The following RREB1 variants were observed in gnomAD, a reference collection of about 807,000 sequenced individuals.
RREB1 encodes ras-responsive element-binding protein 1.
RREB1 carries 27 observed loss-of-function variants against 117.8 expected under a neutral mutation model. The observed-to-expected ratio is 0.23, with a 90% confidence interval of 0.17 to 0.32. RREB1 has a LOEUF of 0.32. RREB1 is among the 10% of genes least tolerant of loss of function. The probability of loss-of-function intolerance (pLI) is 1.00; values close to 1 mark genes in which losing one functional copy is unlikely to be tolerated. For synonymous variants in RREB1, 1,298 were observed against 1,026.7 expected, an observed-to-expected ratio of 1.26 and a Z score of -5.05; for missense variants, 2,577 against 2,378.2, an observed-to-expected ratio of 1.08 and a Z score of -1.74.
chr6:7,176,037 C>G (rs1049592391), intron 1 of RREB1, among the ~76,000 whole-genome samples: 1 of 152,202 alleles, frequency 6.6e-6, no homozygotes, highest in Non-Finnish European at 1.5e-5. Context: ...CCCACCTCAG[C>G]TCCAGAGTAG....
At chr6:7,123,805 G>A (rs1024874582) in intron 1 of RREB1, among the ~76,000 whole-genome samples, 1 of 151,970 alleles carries the variant, frequency 6.6e-6, no homozygotes, top group African/African-American at 2.4e-5. Flanking sequence ...TAGCGATGGG[G>A]TTTCACTGTG....
At chr6:7,157,018 G>A (rs1237851934) in intron 1 of RREB1, among the ~76,000 whole-genome samples, 2 of 152,186 alleles carry the variant, frequency 1.3e-5, no homozygotes, top group Non-Finnish European at 2.9e-5. Context: ...CTGCCGCTGG[G>A]CTGCCTTGCC....
At chr6:7,187,569 T>A (rs1439776170) in intron 5 of RREB1, 46 bp downstream of exon 5, 2 of 882,650 alleles carry the variant, frequency 2.3e-6, no homozygotes, top group Non-Finnish European at 3.0e-6. Context: ...TATTTTATTT[T>A]ATTTTATTTT....
intron 1 of RREB1, among the ~76,000 whole-genome samples, chr6:7,143,700 G>A (rs572953605): frequency 4.6e-4 from 70 of 152,104 alleles, no homozygotes; most frequent in Admixed American, 1.4e-3. Context: ...CTCATCATTC[G>A]GGTGCAGACT....
chr6:7,131,481 CTG>C (rs1561734213), intron 1 of RREB1, among the ~76,000 whole-genome samples: 1 of 152,162 alleles, frequency 6.6e-6, no homozygotes, highest in Admixed American at 6.5e-5. Context: ...TAAAAGTTCA[CTG>C]TTATTTCTGT....
intron 8 of RREB1, chr6:7,215,369 T>G (rs1423548959): frequency 6.6e-6 from 1 of 152,242 alleles, no homozygotes; most frequent in Non-Finnish European, 1.5e-5. Context: ...GAGGATCTCG[T>G]TCTGTCACCC....
chr6:7,229,457 G>A lies in RREB1; in HGVS notation c.1358G>A (p.Ser453Asn). ...GGCTTCATCATCCAGCCTGACAGCA[G>A]CATTGTGGTCAAGCCCATCTCTGGC... is the stretch of plus-strand genomic sequence containing the variant. ...QKGFIIQPDS[S>N]IVVKPISGES... Residue 453 changes from serine (S) to asparagine (N), a missense_variant, in exon 10 of 13, where the codon AGC (serine) becomes AAC (asparagine). Transcript: ENST00000379938. This position sits in a 1 kb window ranked among gnomAD's most constrained non-coding sequence, Gnocchi z 4.5. 6.2e-7 allele frequency: 1 copy of A among 1,614,192 alleles called. No homozygotes were observed. The highest frequency in any genetic ancestry group is 8.5e-7 in the Non-Finnish European group (1 of 1,180,028).
chr6:7,113,291 A>G (rs1342997625), intron 1 of RREB1, among the ~76,000 whole-genome samples: 3 of 152,186 alleles, frequency 2.0e-5, no homozygotes, highest in African/African-American at 7.2e-5. Flanking sequence ...GTAATTAGAT[A>G]AAGCTTTTAA....
At chr6:7,210,783 G>T in intron 6 of RREB1, 21 bp from the exon 7 acceptor site, 1 of 1,601,102 alleles carries the variant, frequency 6.2e-7, no homozygotes, top group Non-Finnish European at 8.5e-7. Flanking sequence ...ATCACATTGT[G>T]TGTGTGTTTG....
intron 1 of RREB1, among the ~76,000 whole-genome samples, chr6:7,170,323 T>G (rs1764150692): frequency 6.6e-6 from 1 of 152,192 alleles, no homozygotes; most frequent in Non-Finnish European, 1.5e-5. Flanking sequence ...ACCCCAGGGC[T>G]GCGTGTCTCC....
At position 7,241,479 on chromosome 6, in the gene RREB1, A is replaced by AT. The variant is rs1261798982; in HGVS notation, c.3973+878dup. Among the ~76,000 whole-genome samples, 5 of 152,042 alleles carry AT rather than the reference A, an allele frequency of 3.3e-5. No homozygotes were observed. In the East Asian group the frequency reaches 5.8e-4, roughly 18 times the overall value. On this transcript the variant is annotated intron_variant, in intron 11 of 12. Transcript: ENST00000379938. The stretch of plus-strand genomic sequence containing the variant: ...TTGCAAGTCTTGAAAACCTGACACT[A>AT]TCTTGTGGCTGCGAAGAGATCCCCC...
At chr6:7,124,643 G>A (rs1219074104) in intron 1 of RREB1, among the ~76,000 whole-genome samples, 1 of 152,172 alleles carries the variant, frequency 6.6e-6, no homozygotes, top group Non-Finnish European at 1.5e-5. Context: ...CCCTTTGTTG[G>A]TTGTTAGGCT....
chr6:7,184,633 A>T (rs1252010623), intron 4 of RREB1: 1 of 152,002 alleles, frequency 6.6e-6, no homozygotes, highest in Non-Finnish European at 1.5e-5. Flanking sequence ...GACCTGTATG[A>T]TGGCCTGCAG....
chr6:7,248,994 CAA>C lies in RREB1; in HGVS notation c.*29_*30del. The C allele has an allele frequency of 6.9e-7, 1 of 1,441,614 alleles. No homozygotes were observed. Among genetic ancestry groups the C allele is most frequent in the Non-Finnish European group, 9.1e-7 (1 of 1,101,866 alleles). 89.3% of individuals were successfully genotyped at this position (1,441,614 alleles called of 1,614,324 possible). ...CAGCCTCAGTCCCCCTCAGCACAGA[CAA>C]AAGCCAGCAGAGCAAAGCGTCTATA... On this transcript the variant is annotated 3_prime_UTR_variant, in exon 13 of 13. Transcript: ENST00000379938.
Position 7,231,020 on chromosome 6 carries a change from C to G in RREB1, c.2921C>G (p.Ala974Gly). Reference sequence around the variant, plus strand: ...AGCGAGCAGCCCTCTCCCTGCCCAGCACCCGGCCCTTCTCTTCCTGTAACT... The same window carrying G: ...AGCGAGCAGCCCTCTCCCTGCCCAGGACCCGGCCCTTCTCTTCCTGTAACT... ...GSSEQPSPCPAPGPSLPVTLG... is the reference protein window; with the variant it reads ...GSSEQPSPCPGPGPSLPVTLG... The change falls in exon 10 of 13, where the codon GCA becomes GGA. Residue 974 changes from alanine to glycine, a missense_variant. Coordinates refer to ENST00000379938, the MANE Select transcript of RREB1 (RefSeq NM_001003699.4). 6.2e-7 allele frequency: 1 copy of G among 1,614,118 alleles called. No individual in the cohort carries two copies. Among genetic ancestry groups the G allele is most frequent in the Non-Finnish European group, 8.5e-7 (1 of 1,180,032 alleles).
intron 1 of RREB1, among the ~76,000 whole-genome samples, chr6:7,166,935 C>G (rs1763962364): frequency 6.6e-6 from 1 of 152,174 alleles, no homozygotes; most frequent in African/African-American, 2.4e-5. Context: ...ATGCAAACTG[C>G]TACTGAACTT....
intron 1 of RREB1, among the ~76,000 whole-genome samples, chr6:7,158,835 T>C (rs544377264): frequency 2.0e-5 from 3 of 152,022 alleles, no homozygotes; most frequent in Non-Finnish European, 2.9e-5. Context: ...AGGTAGATTG[T>C]GGGTCCCATT....
At chr6:7,146,272 C>T (rs916726867) in intron 1 of RREB1, among the ~76,000 whole-genome samples, 2 of 152,056 alleles carry the variant, frequency 1.3e-5, no homozygotes, top group African/African-American at 4.8e-5. Flanking sequence ...CTTACCATGC[C>T]CTCTGTCATG....
Position 7,249,097 on chromosome 6 carries a change from G to C in RREB1, c.*129G>C, listed in dbSNP as rs1162344456. On this transcript the variant is annotated 3_prime_UTR_variant, in exon 13 of 13. Coordinates refer to ENST00000379938, the MANE Select transcript of RREB1 (RefSeq NM_001003699.4). The stretch of plus-strand genomic sequence containing the variant: ...AGAGAGAGAGAGAGAGAGAGAGAGA[G>C]AGAGAGACAAGCAGGAGCGTGGCTG... The C allele has an allele frequency of 5.5e-5, 37 of 670,824 alleles. No individual in the cohort carries two copies. The African/African-American group carries it at 5.6e-4, about 10-fold the overall frequency. 41.6% of individuals were successfully genotyped at this position (670,824 alleles called of 1,614,324 possible). A position where few individuals can be genotyped will look rare whatever the true frequency, so the allele number is the denominator to read the frequency against.
Sources: allele counts gnomAD v4.1 joint callset (sites outside exome capture counted in the v4.1 genomes callset), GRCh38; gene constraint gnomAD v4.1.1; non-coding constraint Gnocchi (gnomAD v3.1); transcripts MANE v1.5; gene names NCBI Gene and HGNC (gene_info 2026-07-23, HGNC 2026-07-21).